The following EPB41L5 variants were observed in gnomAD, a reference collection of about 807,000 sequenced individuals.
EPB41L5 encodes band 4.1-like protein 5.
Under a neutral mutation model 106.6 loss-of-function variants are expected in EPB41L5, and 55 were observed. The observed-to-expected ratio is 0.52, with a 90% CI of 0.42 to 0.65. The LOEUF is 0.65. EPB41L5 is among the 30% of genes least tolerant of loss of function. EPB41L5 has a pLI of 0.00. For synonymous variants in EPB41L5, 297 were observed against 306.7 expected, an observed-to-expected ratio of 0.97 and a Z score of 0.33; for missense variants, 871 against 882.1, an observed-to-expected ratio of 0.99 and a Z score of 0.16.
intron 20 of EPB41L5, chr2:120,160,628 AGGGTTACCCTTTCTAT>A: frequency 2.5e-6 from 1 of 397,314 alleles, no homozygotes. Context: ...GCAGCGTAAG[AGGGTTACCCTTTCTAT>A]GGGTCCTCAC....
intron 10 of EPB41L5, among the ~76,000 whole-genome samples, chr2:120,086,397 A>G (rs1683055313): frequency 1.3e-5 from 2 of 152,194 alleles, no homozygotes; most frequent in Non-Finnish European, 2.9e-5. Context: ...AGGGAGATAC[A>G]GTTGGAAAGC....
At chr2:120,174,440 GGGC>G (rs1454485067) in intron 24 of EPB41L5, among the ~76,000 whole-genome samples, 1 of 149,938 alleles carries the variant, frequency 6.7e-6, no homozygotes, top group Non-Finnish European at 1.5e-5. Flanking sequence ...ACTCCAGCCT[GGGC>G]GACAGAGCAA....
intron 1 of EPB41L5, chr2:120,013,775 G>A (rs1456582310): frequency 6.6e-6 from 1 of 152,202 alleles, no homozygotes; most frequent in Non-Finnish European, 1.5e-5. Context: ...GTGTGTAAAT[G>A]TTAATTGTGT....
At chr2:120,070,396 A>G (rs1031667477) in intron 3 of EPB41L5, among the ~76,000 whole-genome samples, 1 of 152,230 alleles carries the variant, frequency 6.6e-6, no homozygotes, top group Non-Finnish European at 1.5e-5. Context: ...GAATTCTACC[A>G]GAGGTACAAA....
intron 16 of EPB41L5, among the ~76,000 whole-genome samples, chr2:120,107,181 A>G (rs368868717): frequency 2.0e-5 from 3 of 152,014 alleles, no homozygotes; most frequent in African/African-American, 4.8e-5. Flanking sequence ...GTTGTCCCCT[A>G]TTAGTTCATC....
chr2:120,069,128 CAAAAAAAAAAAAAAAAAAAAAAAAAAA>C (rs539813602), intron 3 of EPB41L5, among the ~76,000 whole-genome samples: 1 of 79,556 alleles, frequency 1.3e-5, no homozygotes, highest in African/African-American at 5.9e-5. Flanking sequence ...AACTCTGTCT[CAAAAAAAAAAAAAAAAAAAAAAAAAAA>C]AAAAAAAAAA....
rs75839703 is a variant in EPB41L5, at chr2:120,076,412, C to T, written c.506-559C>T. 7.7e-3 allele frequency among the ~76,000 whole-genome samples: 1,152 copies of T among 148,818 alleles called. 12 individuals are homozygous for T. The highest frequency in any genetic ancestry group is 0.027 in the African/African-American group (1,091 of 40,512). On this transcript the variant is annotated intron_variant, in intron 7 of 24. Coordinates refer to ENST00000263713, the MANE Select transcript of EPB41L5 (RefSeq NM_020909.4). Reference sequence around the variant, plus strand: ...GAAGCCTTGAACTACTGGGCTCAAACGATCTTCCTGCCTGAGTAGCTGGGT... The same window carrying T: ...GAAGCCTTGAACTACTGGGCTCAAATGATCTTCCTGCCTGAGTAGCTGGGT...
intron 2 of EPB41L5, among the ~76,000 whole-genome samples, chr2:120,019,714 C>T (rs189924404): frequency 3.3e-5 from 5 of 152,322 alleles, no homozygotes; most frequent in Non-Finnish European, 7.4e-5. Context: ...TTACTTTCTT[C>T]TAAATAAATA....
chr2:120,170,617 A>T (rs931231715), intron 24 of EPB41L5, among the ~76,000 whole-genome samples: 1 of 152,256 alleles, frequency 6.6e-6, no homozygotes, highest in Non-Finnish European at 1.5e-5. Context: ...CAGAAGTCAC[A>T]ATCTTGTATA....
intron 16 of EPB41L5, among the ~76,000 whole-genome samples, chr2:120,112,064 A>G (rs1344167977): frequency 6.6e-6 from 1 of 151,950 alleles, no homozygotes; most frequent in East Asian, 1.9e-4. Context: ...TGAAATAATC[A>G]TGTTCCCCGC....
At chr2:120,020,546 T>C (rs1245520451) in intron 2 of EPB41L5, among the ~76,000 whole-genome samples, 1 of 151,932 alleles carries the variant, frequency 6.6e-6, no homozygotes, top group African/African-American at 2.4e-5. Flanking sequence ...TGAAAGCATC[T>C]AAATTTTCTT....
chr2:120,020,966 C>G (rs993034844), intron 2 of EPB41L5, among the ~76,000 whole-genome samples: 1 of 152,156 alleles, frequency 6.6e-6, no homozygotes, highest in Admixed American at 6.5e-5. Flanking sequence ...GATGCTTGAT[C>G]AAATTTATAA....
chr2:120,028,405 G>C (rs1678483181), intron 2 of EPB41L5, among the ~76,000 whole-genome samples: 1 of 151,998 alleles, frequency 6.6e-6, no homozygotes, highest in African/African-American at 2.4e-5. Flanking sequence ...TGTCATGGTG[G>C]ACACTTGTGG....
At chr2:120,050,307 G>A (rs1680141547) in intron 3 of EPB41L5, among the ~76,000 whole-genome samples, 1 of 152,132 alleles carries the variant, frequency 6.6e-6, no homozygotes, top group African/African-American at 2.4e-5. Context: ...ACACCAATCA[G>A]ACATAGATTT....
At chr2:120,166,456 G>A in intron 22 of EPB41L5, among the ~76,000 whole-genome samples, 1 of 88,154 alleles carries the variant, frequency 1.1e-5, no homozygotes, top group Non-Finnish European at 2.9e-5. Context: ...GTCAGATTTT[G>A]TGGGTTTTTT....
At chr2:120,059,081 A>G (rs571993567) in intron 3 of EPB41L5, among the ~76,000 whole-genome samples, 1 of 152,372 alleles carries the variant, frequency 6.6e-6, no homozygotes, top group African/African-American at 2.4e-5. Context: ...CATAATCAAG[A>G]CTTTGTGGTA....
In EPB41L5 at chr2:120,100,713, A is replaced by T. The variant is rs1307501053; in HGVS notation, c.1236A>T (p.Arg412Ser). 6.2e-7 allele frequency: 1 copy of T among 1,613,812 alleles called. No individual in the cohort carries two copies. The highest frequency in any genetic ancestry group is 1.7e-5 in the Admixed American group (1 of 60,012). The change falls in exon 16 of 25, where the codon AGA becomes AGT. Residue 412 changes from arginine (R) to serine (S), a missense_variant. Arg to Ser is a moderately radical substitution (Grantham distance 110). Transcript: ENST00000263713. ...SNGSQQAWGM[R>S]SALPVSPSIS... ...TTTGTCCAAAGGCTTGGGGGATGAG[A>T]TCTGCTCTGCCTGTGAGTCCTTCCA...
At chr2:120,056,457 C>T (rs1476661528) in intron 3 of EPB41L5, among the ~76,000 whole-genome samples, 2 of 151,910 alleles carry the variant, frequency 1.3e-5, no homozygotes, top group Non-Finnish European at 2.9e-5. Context: ...CACCACTGTG[C>T]CCGGCTAGTT....
chr2:120,090,656 T>A (rs2105366224), intron 12 of EPB41L5, 140 bp downstream of exon 12: 4 of 653,962 alleles, frequency 6.1e-6, no homozygotes, highest in African/African-American at 3.7e-5. Flanking sequence ...TTGGCCAAAA[T>A]AAAATAGAAA....
Sources: gnomAD v4.1 joint callset for allele counts (sites outside exome capture counted in the v4.1 genomes callset) on GRCh38, gnomAD v4.1.1 for gene constraint, MANE v1.5 for transcripts, NCBI Gene and HGNC (gene_info 2026-07-23, HGNC 2026-07-21) for gene names.